Variants in BHMT2 observed in about 807,000 individuals in gnomAD.
The protein encoded by BHMT2 is S-methylmethionine--homocysteine S-methyltransferase BHMT2.
Under a neutral mutation model 39.0 loss-of-function variants are expected in BHMT2, and 28 were observed. The ratio of observed to expected loss-of-function variants is 0.72; its 90% CI spans 0.53 to 0.98. The LOEUF is 0.98. BHMT2 is among the 50% of genes least tolerant of loss of function. The probability of loss-of-function intolerance (pLI) is 0.00; values close to 1 mark genes in which losing one functional copy is unlikely to be tolerated. For missense variants in BHMT2, 410 were observed against 455.6 expected (o/e 0.90, Z 0.91); for synonymous variants, 145 against 160.6 (o/e 0.90, Z 0.74).
intron 1 of BHMT2, among the ~76,000 whole-genome samples, chr5:79,073,827 T>C (rs1227233637): frequency 6.6e-6 from 1 of 152,158 alleles, no homozygotes; most frequent in African/African-American, 2.4e-5. Context: ...GGTATTTACC[T>C]CTAGTTAAAC....
chr5:79,082,682 G>C (rs373919727), intron 4 of BHMT2, 127 bp from the exon 5 acceptor site: 2 of 1,104,708 alleles, frequency 1.8e-6, no homozygotes. Flanking sequence ...ACATTCCTTA[G>C]CAAGTTTTAT....
At chr5:79,072,701 A>C (rs1405089135) in intron 1 of BHMT2, among the ~76,000 whole-genome samples, 1 of 152,206 alleles carries the variant, frequency 6.6e-6, no homozygotes, top group Non-Finnish European at 1.5e-5. Flanking sequence ...TAAGCAGGAC[A>C]CAAAAGGGGT....
chr5:79,072,955 A>G (rs1755607910), intron 1 of BHMT2, among the ~76,000 whole-genome samples: 2 of 145,798 alleles, frequency 1.4e-5, no homozygotes, highest in South Asian at 4.3e-4. Context: ...TTGTTTGAGT[A>G]AATTTGATTC....
intron 7 of BHMT2, among the ~76,000 whole-genome samples, chr5:79,087,385 T>A (rs73769934): frequency 0.086 from 13,061 of 152,176 alleles, 628 homozygotes; most frequent in Middle Eastern, 0.12. Context: ...CATACTTTGG[T>A]GATGATTAAA....
chr5:79,072,161 C>A (rs952460681), intron 1 of BHMT2, among the ~76,000 whole-genome samples: 6 of 151,638 alleles, frequency 4.0e-5, no homozygotes, highest in Admixed American at 6.6e-5. Context: ...CAGCTACTTG[C>A]GAGGCTGAGG....
chr5:79,082,535 G>T, intron 4 of BHMT2: 1 of 257,816 alleles, frequency 3.9e-6, no homozygotes, highest in East Asian at 7.7e-5. Context: ...GAAAACCTCT[G>T]GGTGTGTTTT....
chr5:79,081,610 A>G (rs1755790144), intron 4 of BHMT2, among the ~76,000 whole-genome samples: 1 of 152,184 alleles, frequency 6.6e-6, no homozygotes, highest in Admixed American at 6.6e-5. Flanking sequence ...CTGTAATCCC[A>G]GCACTTTGGG....
chr5:79,082,059 C>T (rs1029811628), intron 4 of BHMT2, among the ~76,000 whole-genome samples: 1 of 152,152 alleles, frequency 6.6e-6, no homozygotes, highest in African/African-American at 2.4e-5. Context: ...TTTAAGAACC[C>T]GTCTTTTGAT....
intron 3 of BHMT2, among the ~76,000 whole-genome samples, chr5:79,080,200 T>C (rs1338792749): frequency 1.3e-5 from 2 of 152,238 alleles, no homozygotes; most frequent in East Asian, 3.8e-4. Flanking sequence ...GCATTGAGCA[T>C]TGGTTTTCTC....
intron 7 of BHMT2, 67 bp downstream of exon 7, chr5:79,083,923 G>A: frequency 6.6e-7 from 1 of 1,525,142 alleles, no homozygotes; most frequent in East Asian, 2.5e-5. Flanking sequence ...TGTTGTAAAT[G>A]TCATGCATGC....
chr5:79,087,010 GTGTGTATATATA>G (rs1168622082), intron 7 of BHMT2, among the ~76,000 whole-genome samples: 4 of 113,464 alleles, frequency 3.5e-5, no homozygotes, highest in Admixed American at 1.7e-4. Flanking sequence ...GTGTGTGTGT[GTGTGTATATATA>G]TATATATATA....
At chr5:79,087,204 C>G (rs892567495) in intron 7 of BHMT2, among the ~76,000 whole-genome samples, 3 of 151,416 alleles carry the variant, frequency 2.0e-5, no homozygotes, top group African/African-American at 7.3e-5. Flanking sequence ...CATTTTTGAA[C>G]TGGAAAAATT....
chr5:79,087,631 G>A (rs1035231456), intron 7 of BHMT2, among the ~76,000 whole-genome samples: 4 of 151,988 alleles, frequency 2.6e-5, no homozygotes, highest in African/African-American at 9.7e-5. Flanking sequence ...TAAGTAAAGT[G>A]GAAAAAACAA....
intron 1 of BHMT2, among the ~76,000 whole-genome samples, chr5:79,075,932 T>G (rs1755663431): frequency 6.6e-6 from 1 of 152,180 alleles, no homozygotes; most frequent in African/African-American, 2.4e-5. Context: ...CCAGTGGGTG[T>G]GTGTTACAGT....
rs1334810533 is a variant in BHMT2, at chr5:79,083,193, G to T, written c.600G>T (p.Gly200=). 6.2e-7 allele frequency: 1 copy of T among 1,613,762 alleles called. No homozygotes were observed. The change falls in exon 6 of 8, where the codon GGG becomes GGT. Residue 200 remains glycine, a splice_region_variant and synonymous_variant. Coordinates refer to ENST00000255192, the MANE Select transcript of BHMT2 (RefSeq NM_017614.5). ...GECAVRLVKA[G]ASIVGVNCRF... ...TGTAAGTGTTATTTCTTTGCACAGG[G>T]GCTTCCATCGTTGGCGTGAACTGCC...
At chr5:79,083,908 T>C in intron 7 of BHMT2, 52 bp downstream of exon 7, 2 of 1,545,276 alleles carry the variant, frequency 1.3e-6, no homozygotes, top group Non-Finnish European at 1.7e-6. Flanking sequence ...TCTCATTTTA[T>C]TTATTGTTGT....
At chr5:79,078,594 G>C (rs928319020) in intron 2 of BHMT2, among the ~76,000 whole-genome samples, 2 of 152,152 alleles carry the variant, frequency 1.3e-5, no homozygotes, top group Non-Finnish European at 2.9e-5. Context: ...TGTTTCATGG[G>C]GGCACAACAT....
At chr5:79,084,740 CTA>C (rs1755862903) in intron 7 of BHMT2, among the ~76,000 whole-genome samples, 1 of 152,228 alleles carries the variant, frequency 6.6e-6, no homozygotes, top group Non-Finnish European at 1.5e-5. Flanking sequence ...TCTTGTACCT[CTA>C]TTTCTTTTGT....
At chr5:79,076,932 C>T (rs1201116429) in intron 1 of BHMT2, among the ~76,000 whole-genome samples, 1 of 152,298 alleles carries the variant, frequency 6.6e-6, no homozygotes, top group Middle Eastern at 3.4e-3. Context: ...TATTCCCAGG[C>T]ATTATGTTGG....
Sources: gnomAD v4.1 joint callset for allele counts (sites outside exome capture counted in the v4.1 genomes callset) on GRCh38, gnomAD v4.1.1 for gene constraint, MANE v1.5 for transcripts, NCBI Gene and HGNC (gene_info 2026-07-23, HGNC 2026-07-21) for gene names.